CHID1: variants seen among roughly 807,000 people sequenced by gnomAD.
The protein encoded by CHID1 is chitinase domain-containing protein 1.
Under a neutral mutation model 55.4 loss-of-function variants are expected in CHID1, and 44 were observed. That is an observed-to-expected ratio of 0.79 (90% CI 0.62 to 1.02). CHID1 has a LOEUF of 1.02. CHID1 is among the 50% of genes least tolerant of loss of function. The pLI, the probability that CHID1 is intolerant of heterozygous loss-of-function variation, is 0.00. For synonymous variants in CHID1, 216 were observed against 212.9 expected, an observed-to-expected ratio of 1.01 and a Z score of -0.13; for missense variants, 491 against 515.3, an observed-to-expected ratio of 0.95 and a Z score of 0.46.
At chr11:905,472 C>A (rs1852143794) in intron 1 of CHID1, among the ~76,000 whole-genome samples, 1 of 152,168 alleles carries the variant, frequency 6.6e-6, no homozygotes, top group Admixed American at 6.5e-5. Flanking sequence ...GAATTCATGA[C>A]CAGCCTGACC....
At chr11:888,762 C>T (rs1850584042) in intron 8 of CHID1, among the ~76,000 whole-genome samples, 1 of 151,786 alleles carries the variant, frequency 6.6e-6, no homozygotes, top group African/African-American at 2.4e-5. Context: ...TCGGCCTCGA[C>T]TGGACCCCGG....
intron 6 of CHID1, among the ~76,000 whole-genome samples, chr11:899,679 C>T (rs1489986886): frequency 6.6e-6 from 1 of 152,212 alleles, no homozygotes; most frequent in Non-Finnish European, 1.5e-5. Flanking sequence ...CTCCCTGACC[C>T]GAGGCCCAGG....
intron 10 of CHID1, among the ~76,000 whole-genome samples, chr11:872,244 G>A (rs1422009627): frequency 4.6e-5 from 7 of 152,240 alleles, no homozygotes; most frequent in East Asian, 1.9e-4. Flanking sequence ...TGTAACCTCC[G>A]CCTCCTGGGT....
chr11:906,607 C>T (rs906661510), intron 1 of CHID1, among the ~76,000 whole-genome samples: 1 of 152,142 alleles, frequency 6.6e-6, no homozygotes, highest in Non-Finnish European at 1.5e-5. Flanking sequence ...CTGCCATGCT[C>T]GTGGTGTGCC....
chr11:911,888 C>A (rs1852715197), upstream of CHID1, among the ~76,000 whole-genome samples: 1 of 152,204 alleles, frequency 6.6e-6, no homozygotes, highest in African/African-American at 2.4e-5. Flanking sequence ...TGGAGAGGGT[C>A]CCAGTAAGCT....
At chr11:896,936 C>T (rs1851369072) in intron 7 of CHID1, among the ~76,000 whole-genome samples, 1 of 98,046 alleles carries the variant, frequency 1.0e-5, no homozygotes, top group Non-Finnish European at 2.0e-5. Flanking sequence ...TGTCTCAGCA[C>T]CCCCAGCCTC....
intron 2 of CHID1, 99 bp downstream of exon 2, chr11:904,607 C>A: frequency 6.9e-7 from 1 of 1,439,424 alleles, no homozygotes; most frequent in Non-Finnish European, 9.6e-7. Context: ...CCAAGCCCCT[C>A]GAGCCTCCTG....
chr11:883,484 G>A (rs995039034), intron 9 of CHID1, among the ~76,000 whole-genome samples, 181 bp from the exon 10 acceptor site: 4 of 151,440 alleles, frequency 2.6e-5, no homozygotes, highest in South Asian at 2.1e-4. Flanking sequence ...CATGAGGGAC[G>A]TCACGTCCAG....
intron 10 of CHID1, among the ~76,000 whole-genome samples, chr11:879,113 T>C (rs558356683): frequency 6.6e-6 from 1 of 152,356 alleles, no homozygotes; most frequent in South Asian, 2.1e-4. Context: ...CCCAAAGTGC[T>C]GGGATTACAG....
At chr11:905,710 C>A (rs1589904632) in intron 1 of CHID1, among the ~76,000 whole-genome samples, 1 of 151,704 alleles carries the variant, frequency 6.6e-6, no homozygotes, top group Non-Finnish European at 1.5e-5. Context: ...GAGAAGCCTA[C>A]GATAATAACG....
rs1339909384 is a variant in CHID1, at chr11:899,389, C to T, written c.559G>A (p.Asp187Asn). The T allele has an allele frequency of 3.7e-6, 6 of 1,602,534 alleles. No homozygotes were observed. The highest frequency in any genetic ancestry group is 1.7e-4 in the Middle Eastern group (1 of 6,056). ...VVQVAKNQHFDGFVVEVWNQL... is the reference protein window; with the variant it reads ...VVQVAKNQHFNGFVVEVWNQL... ...TTCCAGACCTCCACCACGAAGCCAT[C>T]GAAATGCTGGTTCTGAAAGAAGCAG... Residue 187 changes from aspartate (D) to asparagine (N), a missense_variant, in exon 7 of 13, where the codon GAT (aspartate) becomes AAT (asparagine). Asp to Asn is a conservative substitution (Grantham distance 23). Coordinates refer to ENST00000323578, the MANE Select transcript of CHID1 (RefSeq NM_023947.4).
chr11:907,209 C>T (rs1016948081), intron 1 of CHID1, among the ~76,000 whole-genome samples: 4 of 152,094 alleles, frequency 2.6e-5, no homozygotes, highest in African/African-American at 4.8e-5. Flanking sequence ...CGGCCGGGCG[C>T]GGTGGCTCAC....
chr11:884,715 G>A (rs969988779), intron 8 of CHID1, among the ~76,000 whole-genome samples: 1 of 152,252 alleles, frequency 6.6e-6, no homozygotes, highest in African/African-American at 2.4e-5. Flanking sequence ...GGCTCCCAGG[G>A]ATGGAGCAAG....
chr11:887,782 C>T (rs1490000280), intron 8 of CHID1, among the ~76,000 whole-genome samples: 3 of 152,182 alleles, frequency 2.0e-5, no homozygotes, highest in Non-Finnish European at 2.9e-5. Flanking sequence ...GCCTCCCCCA[C>T]ATCCACGGTG....
At chr11:897,847 G>C (rs898692405) in intron 7 of CHID1, among the ~76,000 whole-genome samples, 2 of 152,056 alleles carry the variant, frequency 1.3e-5, no homozygotes, top group African/African-American at 4.8e-5. Flanking sequence ...GGGTGCTGGC[G>C]GAGGGTGTGG....
At chr11:871,760 G>A (rs1849190003) in intron 10 of CHID1, among the ~76,000 whole-genome samples, 2 of 152,234 alleles carry the variant, frequency 1.3e-5, no homozygotes, top group African/African-American at 4.8e-5. Context: ...ATGGACATCC[G>A]CAGGATCCTA....
intron 8 of CHID1, 146 bp downstream of exon 8, chr11:893,281 T>G: frequency 1.7e-6 from 1 of 604,818 alleles, no homozygotes; most frequent in Non-Finnish European, 2.9e-6. Context: ...GCACAGAGTG[T>G]GTGGCAGCTG....
chr11:872,675 A>G (rs1849255904), intron 10 of CHID1, among the ~76,000 whole-genome samples: 1 of 152,362 alleles, frequency 6.6e-6, no homozygotes, highest in African/African-American at 2.4e-5. Context: ...AAATTACTGC[A>G]TTATCCTTAA....
At chr11:870,941 G>A (rs1027034574) in intron 10 of CHID1, among the ~76,000 whole-genome samples, 2 of 152,066 alleles carry the variant, frequency 1.3e-5, no homozygotes, top group African/African-American at 4.8e-5. Context: ...TACTGGGTGG[G>A]CAGTGCCTTG....
Sources: gnomAD v4.1 joint callset for allele counts (sites outside exome capture counted in the v4.1 genomes callset) on GRCh38, gnomAD v4.1.1 for gene constraint, MANE v1.5 for transcripts, NCBI Gene and HGNC (gene_info 2026-07-23, HGNC 2026-07-21) for gene names.